DYSF: variants seen among roughly 807,000 people sequenced by gnomAD.
DYSF encodes dysferlin.
In DYSF, 212 loss-of-function variants were observed where a neutral mutation model predicts 274.9. The ratio of observed to expected loss-of-function variants is 0.77; its 90% CI spans 0.69 to 0.86. The LOEUF (loss-of-function observed/expected upper bound fraction) is 0.86. Ranked by LOEUF, DYSF falls within the 40% of genes least tolerant of loss-of-function variation. The pLI is 0.00. For synonymous variants in DYSF, 1,091 were observed against 1,078.7 expected (o/e 1.01, Z -0.22); for missense variants, 2,666 against 2,783.2 (o/e 0.96, Z 0.95).
intron 30 of DYSF, among the ~76,000 whole-genome samples, chr2:71,588,399 G>C (rs2093144702): frequency 1.3e-5 from 2 of 152,188 alleles, no homozygotes; most frequent in African/African-American, 4.8e-5. Context: ...ACTGAGTCTT[G>C]AGGGTGGGCA....
Position 71,487,570 on chromosome 2 carries a change from A to G in DYSF, c.239+5600A>G, listed in dbSNP as rs567565057. 2.0e-5 allele frequency among the ~76,000 whole-genome samples: 3 copies of G among 152,280 alleles called. No individual in the cohort carries two copies. In the South Asian group the frequency reaches 6.2e-4, roughly 32 times the overall value. On this transcript the variant is annotated intron_variant, in intron 3 of 55. Coordinates refer to ENST00000410020, the MANE Select transcript of DYSF (RefSeq NM_001130987.2). ...GTCGCCCAGGAAGGAATGCAGTGGC[A>G]TGATCTCGGCTCACTGCAACCTCTG...
At chr2:71,552,107 C>T (rs2090992309) in intron 19 of DYSF, among the ~76,000 whole-genome samples, 3 of 152,182 alleles carry the variant, frequency 2.0e-5, no homozygotes. Flanking sequence ...CATGAGGTGG[C>T]TGCTGTTATT....
intron 3 of DYSF, among the ~76,000 whole-genome samples, chr2:71,488,095 C>G (rs1359512451): frequency 1.3e-5 from 2 of 151,358 alleles, no homozygotes; most frequent in African/African-American, 2.4e-5. Flanking sequence ...TTTGATAAAA[C>G]TTAATGTCAA....
At chr2:71,529,929 G>T (rs564093058) in intron 14 of DYSF, among the ~76,000 whole-genome samples, 4 of 151,696 alleles carry the variant, frequency 2.6e-5, no homozygotes, top group Non-Finnish European at 5.9e-5. Context: ...AGTCATTATT[G>T]TGTTGATGTA....
intron 42 of DYSF, among the ~76,000 whole-genome samples, chr2:71,655,191 G>C (rs2094745507): frequency 2.0e-5 from 3 of 151,920 alleles, no homozygotes; most frequent in Admixed American, 2.0e-4. Flanking sequence ...TATTCAAAAG[G>C]ACATATACCA....
At chr2:71,596,992 C>A (rs535265155) in intron 32 of DYSF, among the ~76,000 whole-genome samples, 1 of 152,212 alleles carries the variant, frequency 6.6e-6, no homozygotes, top group Non-Finnish European at 1.5e-5. Flanking sequence ...CCCCAACCTT[C>A]CCACCTCTTT....
Position 71,635,770 on chromosome 2 carries a change from GAAA to G in DYSF, c.4528-8191_4528-8189del, listed in dbSNP as rs1383390585. ...TCTCAAAAAAAAAAAAAAAAAGAAA[GAAA>G]AAAGAAAAAGAAAAAAGATGAAGGG... On this transcript the variant is annotated intron_variant, in intron 41 of 55. Coordinates refer to ENST00000410020, the MANE Select transcript of DYSF (RefSeq NM_001130987.2). 1.8e-3 allele frequency among the ~76,000 whole-genome samples: 227 copies of G among 126,704 alleles called. 1 individual carries two copies. Among genetic ancestry groups the G allele is most frequent in the African/African-American group, 6.0e-3 (206 of 34,376 alleles). The allele number at this position is 126,704 out of a possible 152,430, so 83.1% of individuals were successfully genotyped here.
At chr2:71,622,697 C>T (rs748580982) in intron 41 of DYSF, among the ~76,000 whole-genome samples, 2 of 152,128 alleles carry the variant, frequency 1.3e-5, no homozygotes, top group Non-Finnish European at 2.9e-5. Flanking sequence ...CTCACTGCAA[C>T]CTCTGCCTCC....
At chr2:71,631,838 C>G (rs538179964) in intron 41 of DYSF, among the ~76,000 whole-genome samples, 1 of 151,998 alleles carries the variant, frequency 6.6e-6, no homozygotes, top group African/African-American at 2.4e-5. Context: ...TGCACCCCTC[C>G]TCCCTCGCTG....
In DYSF at chr2:71,611,310, G is replaced by A. The variant is rs2093754340; in HGVS notation, c.4023G>A (p.Gln1341=). The A allele has an allele frequency of 1.2e-6, 2 of 1,614,018 alleles. No homozygotes were observed. Among genetic ancestry groups the A allele is most frequent in the Non-Finnish European group, 1.7e-6 (2 of 1,179,908 alleles). Residue 1341 remains glutamine, a synonymous_variant, in exon 37 of 56, where the codon CAG becomes CAA. Coordinates refer to ENST00000410020, the MANE Select transcript of DYSF (RefSeq NM_001130987.2). The part of the protein sequence containing the change: ...QREANIYMVP[Q]NIKPALQRTA... The stretch of plus-strand genomic sequence containing the variant: ...AGGCCAACATCTACATGGTTCCTCA[G>A]AACATCAAGCCAGCGCTCCAGCGTA...
intron 3 of DYSF, among the ~76,000 whole-genome samples, chr2:71,495,798 G>A (rs1260859931): frequency 6.6e-6 from 1 of 152,096 alleles, no homozygotes; most frequent in East Asian, 2.0e-4. Context: ...AGTCACTGGG[G>A]CAGGGGCTCT....
intron 1 of DYSF, among the ~76,000 whole-genome samples, chr2:71,469,445 G>T (rs1299452379): frequency 7.3e-6 from 1 of 137,240 alleles, no homozygotes; most frequent in Non-Finnish European, 1.6e-5. Context: ...TTTTGAATGT[G>T]CAGTCAGGGT....
chr2:71,559,233 TG>T (rs999057189), intron 22 of DYSF, among the ~76,000 whole-genome samples: 3 of 152,216 alleles, frequency 2.0e-5, no homozygotes, highest in African/African-American at 7.2e-5. Flanking sequence ...GTGCTGCGTC[TG>T]GGGCTACACA....
intron 12 of DYSF, among the ~76,000 whole-genome samples, chr2:71,524,810 C>A (rs765942012): frequency 1.2e-4 from 18 of 152,334 alleles, no homozygotes; most frequent in Non-Finnish European, 2.1e-4. Flanking sequence ...GGAAGCATTT[C>A]TGACCCCACC....
At chr2:71,499,281 C>G (rs1439142810) in intron 3 of DYSF, among the ~76,000 whole-genome samples, 1 of 152,160 alleles carries the variant, frequency 6.6e-6, no homozygotes, top group African/African-American at 2.4e-5. Context: ...AACAGTGTAT[C>G]TTGAAGATTT....
intron 4 of DYSF, among the ~76,000 whole-genome samples, chr2:71,504,243 T>C (rs1307848123): frequency 2.0e-5 from 3 of 152,078 alleles, no homozygotes; most frequent in Non-Finnish European, 4.4e-5. Flanking sequence ...CTAGACCCTC[T>C]GGTGGAATGG....
At chr2:71,550,817 A>T (rs139124444) in intron 17 of DYSF, among the ~76,000 whole-genome samples, 1 of 152,222 alleles carries the variant, frequency 6.6e-6, no homozygotes, top group Non-Finnish European at 1.5e-5. Flanking sequence ...GACTAATAAA[A>T]ATATGATTGC....
rs2093715913 is a variant in DYSF, at chr2:71,609,852, A to G, written c.3958-1393A>G. On this transcript the variant is annotated intron_variant, in intron 36 of 55. Transcript: ENST00000410020. ...TGACTGCTCCCACCATCTATGGCAG[A>G]GCGTCTGTATGGATGTACCATCCTC... 2.0e-5 allele frequency among the ~76,000 whole-genome samples: 3 copies of G among 152,352 alleles called. No individual in the cohort carries two copies. In the South Asian group the frequency reaches 6.2e-4, roughly 32 times the overall value.
chr2:71,663,317 A>G (rs896897373), intron 45 of DYSF, among the ~76,000 whole-genome samples: 29 of 152,294 alleles, frequency 1.9e-4, no homozygotes, highest in Admixed American at 9.1e-4. Context: ...GGGATATGGC[A>G]GATGCTGCGT....
Sources: gnomAD v4.1 joint callset for allele counts (sites outside exome capture counted in the v4.1 genomes callset) on GRCh38, gnomAD v4.1.1 for gene constraint, MANE v1.5 for transcripts, NCBI Gene and HGNC (gene_info 2026-07-23, HGNC 2026-07-21) for gene names.